EYS: variants seen among roughly 807,000 people sequenced by gnomAD.
EYS encodes EGF-like photoreceptor maintenance factor.
In EYS, 250 loss-of-function variants were observed where a neutral mutation model predicts 282.1. The observed-to-expected ratio is 0.89, with a 90% CI of 0.80 to 0.98. The LOEUF (loss-of-function observed/expected upper bound fraction) is 0.98, where lower values mean the gene tolerates loss of function less well. EYS is among the 50% of genes least tolerant of loss of function. The probability of loss-of-function intolerance (pLI) is 0.00; values close to 1 mark genes in which losing one functional copy is unlikely to be tolerated. For synonymous variants in EYS, 1,355 were observed against 1,282.9 expected (o/e 1.06, Z -1.20); for missense variants, 4,016 against 3,709.0 (o/e 1.08, Z -2.15).
Position 63,962,371 on chromosome 6 carries a change from G to T in EYS, c.7055+22012C>A, listed in dbSNP as rs181977357. ...TTGCGATCTACTCATCTGACAAAGGGCTAATATCCAGAATCTACAAAGAAC... is the reference window on the plus strand; with the variant it reads ...TTGCGATCTACTCATCTGACAAAGGTCTAATATCCAGAATCTACAAAGAAC... On this transcript the variant is annotated intron_variant, in intron 35 of 42. Coordinates refer to ENST00000503581, the MANE Select transcript of EYS (RefSeq NM_001142800.2). 4.9e-3 allele frequency among the ~76,000 whole-genome samples: 751 copies of T among 152,126 alleles called. 5 individuals carry two copies. The highest frequency in any genetic ancestry group is 0.017 in the African/African-American group (717 of 41,486).
At chr6:64,110,982 A>G (rs1217553300) in intron 31 of EYS, among the ~76,000 whole-genome samples, 1 of 152,026 alleles carries the variant, frequency 6.6e-6, no homozygotes, top group Non-Finnish European at 1.5e-5. Context: ...GAGAAGAATC[A>G]TAGGGCAGTA....
At chr6:65,044,780 A>T (rs1395080574) in intron 13 of EYS, among the ~76,000 whole-genome samples, 1 of 151,820 alleles carries the variant, frequency 6.6e-6, no homozygotes, top group East Asian at 1.9e-4. Context: ...AGGCATTAAC[A>T]AAGGATTTGT....
intron 29 of EYS, among the ~76,000 whole-genome samples, chr6:64,370,568 T>A (rs985508521): frequency 1.3e-5 from 2 of 152,124 alleles, no homozygotes; most frequent in African/African-American, 2.4e-5. Context: ...CCCTCCTCAT[T>A]TTTTCAGAAT....
chr6:64,944,536 GC>G (rs1431840594), intron 15 of EYS, among the ~76,000 whole-genome samples: 7 of 152,028 alleles, frequency 4.6e-5, no homozygotes, highest in Non-Finnish European at 7.4e-5. Context: ...AGGGACCTCT[GC>G]CCTTGAAAGC....
At chr6:65,352,523 A>C (rs1764322100) in intron 9 of EYS, among the ~76,000 whole-genome samples, 1 of 151,970 alleles carries the variant, frequency 6.6e-6, no homozygotes, top group South Asian at 2.1e-4. Flanking sequence ...TAATATAAAC[A>C]AAAACATATA....
chr6:64,019,972 TAGATC>T (rs1344988159), intron 33 of EYS, among the ~76,000 whole-genome samples: 1 of 151,656 alleles, frequency 6.6e-6, no homozygotes, highest in African/African-American at 2.4e-5. Flanking sequence ...GGCTATGAAA[TAGATC>T]AGAAAGCAAT....
intron 30 of EYS, among the ~76,000 whole-genome samples, chr6:64,253,370 C>T (rs1322630792): frequency 6.6e-6 from 1 of 152,008 alleles, no homozygotes; most frequent in Non-Finnish European, 1.5e-5. Flanking sequence ...ATAATAGGCC[C>T]AGATTTAAAT....
chr6:64,267,098 G>A (rs947725040), intron 30 of EYS, among the ~76,000 whole-genome samples: 6 of 152,028 alleles, frequency 3.9e-5, no homozygotes, highest in African/African-American at 1.4e-4. Context: ...ACATATGTAG[G>A]ACTTTTAATT....
chr6:65,258,442 T>A (rs1767531092), intron 12 of EYS, among the ~76,000 whole-genome samples: 1 of 152,052 alleles, frequency 6.6e-6, no homozygotes. Flanking sequence ...ATTATTGACG[T>A]ATTTAACATT....
rs760483219 is a variant in EYS at position 65,552,820 on chromosome 6, TA to T, written c.-332-56828del. On this transcript the variant is annotated intron_variant, in intron 2 of 42. Coordinates refer to ENST00000503581, the MANE Select transcript of EYS (RefSeq NM_001142800.2). ...TTCATATTAGAGCTAAGATTCAAAA[TA>T]AAAGGGGTAACCAAAATTGCCAGAA... 8.5e-5 allele frequency among the ~76,000 whole-genome samples: 13 copies of T among 152,170 alleles called. No homozygotes were observed. The East Asian group carries it at 2.5e-3, about 29-fold the overall frequency.
intron 29 of EYS, among the ~76,000 whole-genome samples, chr6:64,386,771 C>T (rs1416578935): frequency 1.3e-5 from 2 of 152,098 alleles, no homozygotes. Flanking sequence ...AGTTCAATAG[C>T]ATTCATAATT....
chr6:63,877,799 T>C (rs1773017043), intron 35 of EYS, among the ~76,000 whole-genome samples: 1 of 152,218 alleles, frequency 6.6e-6, no homozygotes, highest in Admixed American at 6.5e-5. Flanking sequence ...GTAGTTCTTG[T>C]GCCATGGTTT....
chr6:64,815,146 C>T, intron 21 of EYS: 2 of 385,630 alleles, frequency 5.2e-6, no homozygotes, highest in Non-Finnish European at 1.0e-5. Context: ...TGATCTTGTA[C>T]ACCCCCACCC....
At position 64,450,939 on chromosome 6, in the gene EYS, T is replaced by C. The variant is rs538762740; in HGVS notation, c.5645-11587A>G. 3.3e-5 allele frequency among the ~76,000 whole-genome samples: 5 copies of C among 151,652 alleles called. No homozygotes were observed. The East Asian group carries it at 9.7e-4, about 29-fold the overall frequency. On this transcript the variant is annotated intron_variant, in intron 26 of 42. Coordinates refer to ENST00000503581, the MANE Select transcript of EYS (RefSeq NM_001142800.2). ...TAAAATTGAGACCCTAACATCAAAATTAAAAGAACTGGAGAAGCAAGAGCA... is the reference window on the plus strand; with the variant it reads ...TAAAATTGAGACCCTAACATCAAAACTAAAAGAACTGGAGAAGCAAGAGCA...
intron 12 of EYS, among the ~76,000 whole-genome samples, chr6:65,107,348 T>G (rs1460874391): frequency 6.6e-6 from 1 of 151,242 alleles, no homozygotes; most frequent in Non-Finnish European, 1.5e-5. Flanking sequence ...CCAGCTTTCC[T>G]CGAGGACTAT....
At chr6:65,575,901 A>C (rs1055430757) in intron 2 of EYS, among the ~76,000 whole-genome samples, 1 of 152,092 alleles carries the variant, frequency 6.6e-6, no homozygotes, top group Non-Finnish European at 1.5e-5. Context: ...GAGGAAAAAG[A>C]AAGTTTGATC....
At chr6:64,811,685 G>C (rs982180949) in intron 22 of EYS, among the ~76,000 whole-genome samples, 1 of 152,108 alleles carries the variant, frequency 6.6e-6, no homozygotes, top group Non-Finnish European at 1.5e-5. Flanking sequence ...TGCCTCTCCT[G>C]TCTGGTCCTT....
intron 22 of EYS, among the ~76,000 whole-genome samples, chr6:64,726,258 G>T (rs1244326088): frequency 6.6e-6 from 1 of 152,066 alleles, no homozygotes; most frequent in Non-Finnish European, 1.5e-5. Context: ...TGGATGTTAT[G>T]ATGTGTGATG....
chr6:63,734,324 G>T (rs1768855573), intron 41 of EYS, among the ~76,000 whole-genome samples: 1 of 151,958 alleles, frequency 6.6e-6, no homozygotes, highest in African/African-American at 2.4e-5. Context: ...GTAGAAAATT[G>T]TCTCTCTACA....
Sources: gnomAD v4.1 joint callset for allele counts (sites outside exome capture counted in the v4.1 genomes callset) on GRCh38, gnomAD v4.1.1 for gene constraint, MANE v1.5 for transcripts, NCBI Gene and HGNC (gene_info 2026-07-23, HGNC 2026-07-21) for gene names.